The following GPR85 variants were observed in gnomAD, a reference collection of about 807,000 sequenced individuals.
GPR85 encodes the protein G protein-coupled receptor 85.
GPR85 carries 7 observed loss-of-function variants against 21.3 expected under a neutral mutation model. The observed-to-expected ratio is 0.33, with a 90% confidence interval of 0.19 to 0.62. The LOEUF (loss-of-function observed/expected upper bound fraction) is 0.62. Ranked by LOEUF, GPR85 falls within the 20% of genes least tolerant of loss-of-function variation. The pLI is 0.80. For missense variants in GPR85, 299 were observed against 443.8 expected (o/e 0.67, Z 2.93); for synonymous variants, 167 against 166.1 (o/e 1.01, Z -0.04).
Position 113,083,735 on chromosome 7 carries a change from A to G in GPR85, c.987T>C (p.Phe329=). The change falls in exon 3 of 3, where the codon TTT becomes TTC. Residue 329 remains phenylalanine, a synonymous_variant. Coordinates refer to ENST00000424100, the MANE Select transcript of GPR85 (RefSeq NM_001146267.2). This position sits in a 1 kb window ranked among gnomAD's most constrained non-coding sequence, Gnocchi z 4.4. Reference sequence around the variant, plus strand: ...CAAAAGGATTGATTCCTGCTTGGGCAAAACTCATCCAGACAGCAGCTGTTA... The same window carrying G: ...CAAAAGGATTGATTCCTGCTTGGGCGAAACTCATCCAGACAGCAGCTGTTA... ...GFLTAAVWMS[F]AQAGINPFVC... 1 of 1,614,266 alleles carries G rather than the reference A, an allele frequency of 6.2e-7. No homozygotes were observed. The highest frequency in any genetic ancestry group is 8.5e-7 in the Non-Finnish European group (1 of 1,180,048).
Position 113,086,626 on chromosome 7 carries a change from G to A in GPR85, c.-593C>T, listed in dbSNP as rs1316350552. ...CGGCGGGGCTGCTTCAGCCTCTGTG[G>A]AACCAGCAGGAACCCCTACCTGACT... On this transcript the variant is annotated 5_prime_UTR_variant, in exon 1 of 3. Coordinates refer to ENST00000424100, the MANE Select transcript of GPR85 (RefSeq NM_001146267.2). 3 of 154,806 alleles carry A rather than the reference G, an allele frequency of 1.9e-5. No homozygotes were observed. The highest frequency in any genetic ancestry group is 1.9e-4 in the East Asian group (1 of 5,224). 9.6% of individuals were successfully genotyped at this position (154,806 alleles called of 1,614,324 possible).
In GPR85 at chr7:113,083,946, A is replaced by G; in HGVS notation, c.776T>C (p.Ile259Thr). The change falls in exon 3 of 3, where the codon ATC becomes ACC. Residue 259 changes from isoleucine (I) to threonine (T), a missense_variant. Coordinates refer to ENST00000424100, the MANE Select transcript of GPR85 (RefSeq NM_001146267.2). This position sits in a 1 kb window ranked among gnomAD's most constrained non-coding sequence, Gnocchi z 4.4. The stretch of plus-strand genomic sequence containing the variant: ...GCCTGTGGTGTTTGCATTTTGCCTG[A>G]TGCCCAGCAAGGTGGGTGGTGTGGG... ...RGPTPPTLLG[I>T]RQNANTTGRR... 2 of 1,614,176 alleles carry G rather than the reference A, an allele frequency of 1.2e-6. No individual in the cohort carries two copies. Among genetic ancestry groups the G allele is most frequent in the Non-Finnish European group, 1.7e-6 (2 of 1,180,008 alleles).
rs766051580 is a variant in GPR85, at chr7:113,083,625, G to A, written c.1097C>T (p.Pro366Leu). The A allele has an allele frequency of 1.2e-6, 2 of 1,613,638 alleles. No homozygotes were observed. The highest frequency in any genetic ancestry group is 1.7e-6 in the Non-Finnish European group (2 of 1,179,770). ...GATGCTCCCTCATATAACACAGTAA[G>A]GTTCCCTTGGTAACCTGGATTTTCT... The part of the protein sequence containing the change: ...YCRKSRLPRE[P>L]YCVI Residue 366 changes from proline to leucine, a missense_variant, in exon 3 of 3, where the codon CCT becomes CTT. Coordinates refer to ENST00000424100, the MANE Select transcript of GPR85 (RefSeq NM_001146267.2). This position sits in a 1 kb window ranked among gnomAD's most constrained non-coding sequence, Gnocchi z 4.4.
At chr7:113,085,546 C>T (rs1264693773) in intron 2 of GPR85, among the ~76,000 whole-genome samples, 1 of 152,158 alleles carries the variant, frequency 6.6e-6, no homozygotes, top group East Asian at 1.9e-4. Flanking sequence ...AAATATTGGA[C>T]AGGGAAACAC....
rs917595224 is a variant in GPR85 at position 113,083,554 on chromosome 7, A to G, written c.*55T>C. On this transcript the variant is annotated 3_prime_UTR_variant, in exon 3 of 3. Coordinates refer to ENST00000424100, the MANE Select transcript of GPR85 (RefSeq NM_001146267.2). The surrounding 1 kb of genome is among the most constrained non-coding windows in gnomAD (Gnocchi z 4.4). The stretch of plus-strand genomic sequence containing the variant: ...TCTCAAAATATGGCTATGGGCCACA[A>G]TTGCTCAGCAGAGAAGGTTAGTTTT... 6.9e-5 allele frequency: 103 copies of G among 1,487,516 alleles called. No homozygotes were observed. The African/African-American group carries it at 9.0e-4, about 13-fold the overall frequency. The allele number at this position is 1,487,516 out of a possible 1,614,324, so 92.1% of individuals were successfully genotyped here.
At chr7:113,086,262 T>G (rs972984401) in intron 1 of GPR85, 60 bp downstream of exon 1, 73 of 153,320 alleles carry the variant, frequency 4.8e-4, no homozygotes, top group Middle Eastern at 3.2e-3. Context: ...ACCTGCAGTT[T>G]CATCAACACT....
At chr7:113,085,032 T>A (rs1002157413) in intron 2 of GPR85, 141 bp from the exon 3 acceptor site, 2 of 237,320 alleles carry the variant, frequency 8.4e-6, no homozygotes, top group Non-Finnish European at 8.2e-6. Flanking sequence ...ACTAAATATT[T>A]TTGCTCGAGA....
In GPR85 at chr7:113,086,416, T is replaced by G. The variant is rs1794295378; in HGVS notation, c.-383A>C. On this transcript the variant is annotated 5_prime_UTR_variant, in exon 1 of 3. Coordinates refer to ENST00000424100, the MANE Select transcript of GPR85 (RefSeq NM_001146267.2). ...TTTTTCTTTTTTTTTTTTTTTTTTT[T>G]GTTTTTTGTTTTTTTTTTTTTTTTT... is the stretch of plus-strand genomic sequence containing the variant. 7.5e-4 allele frequency: 58 copies of G among 77,602 alleles called. 4 individuals are homozygous for G. Among genetic ancestry groups the G allele is most frequent in the African/African-American group, 2.6e-3 (44 of 16,728 alleles). The allele number at this position is 77,602 out of a possible 1,614,324, so 4.8% of individuals were successfully genotyped here. A position where few individuals can be genotyped will look rare whatever the true frequency, so the allele number is the denominator to read the frequency against.
rs1562996823 is a variant in GPR85, at chr7:113,086,411, T to TTTTG, written c.-379_-378insCAAA. 2.1e-3 allele frequency: 195 copies of TTTTG among 91,574 alleles called. 12 individuals carry two copies. Among genetic ancestry groups the TTTTG allele is most frequent in the Middle Eastern group, 6.2e-3 (1 of 162 alleles). 5.7% of individuals were successfully genotyped at this position (91,574 alleles called of 1,614,324 possible). The stretch of plus-strand genomic sequence containing the variant: ...TTTTCTTTTTCTTTTTTTTTTTTTT[T>TTTTG]TTTTTGTTTTTTGTTTTTTTTTTTT... On this transcript the variant is annotated 5_prime_UTR_variant, in exon 1 of 3. The change creates a premature stop within an existing upstream ORF in the 5' untranslated region. Coordinates refer to ENST00000424100, the MANE Select transcript of GPR85 (RefSeq NM_001146267.2).
At chr7:113,086,299 T>C (rs1441057013) in intron 1 of GPR85, 23 bp downstream of exon 1, 1 of 149,412 alleles carries the variant, frequency 6.7e-6, no homozygotes, top group Admixed American at 6.7e-5. Context: ...CCCCCAAACT[T>C]AACCAAGAGT....
At position 113,086,403 on chromosome 7, in the gene GPR85, T is replaced by TTTTTTTTTTTTG. The variant is rs1562996781; in HGVS notation, c.-371_-370insCAAAAAAAAAAA. On this transcript the variant is annotated 5_prime_UTR_variant, in exon 1 of 3. Coordinates refer to ENST00000424100, the MANE Select transcript of GPR85 (RefSeq NM_001146267.2). ...TTTTCTTTTTTTCTTTTTCTTTTTT[T>TTTTTTTTTTTTG]TTTTTTTTTTTTTGTTTTTTGTTTT... 7.6e-4 allele frequency: 70 copies of TTTTTTTTTTTTG among 92,686 alleles called. 6 individuals carry two copies. Among genetic ancestry groups the TTTTTTTTTTTTG allele is most frequent in the East Asian group, 2.5e-3 (7 of 2,768 alleles). The allele number at this position is 92,686 out of a possible 1,614,324, so 5.7% of individuals were successfully genotyped here.
rs1794293417 is a variant in GPR85 at position 113,086,410 on chromosome 7, T to TTTTTTTTTTC, written c.-378_-377insGAAAAAAAAA. 1 of 95,336 alleles carries TTTTTTTTTTC rather than the reference T, an allele frequency of 1.0e-5. No individual in the cohort carries two copies. Among genetic ancestry groups the TTTTTTTTTTC allele is most frequent in the Non-Finnish European group, 2.1e-5 (1 of 48,674 alleles). 5.9% of individuals were successfully genotyped at this position (95,336 alleles called of 1,614,324 possible). A position where few individuals can be genotyped will look rare whatever the true frequency, so the allele number is the denominator to read the frequency against. On this transcript the variant is annotated 5_prime_UTR_variant, in exon 1 of 3. An upstream open reading frame in the 5' UTR gains an earlier in-frame stop. Coordinates refer to ENST00000424100, the MANE Select transcript of GPR85 (RefSeq NM_001146267.2). ...TTTTTCTTTTTCTTTTTTTTTTTTT[T>TTTTTTTTTTC]TTTTTTGTTTTTTGTTTTTTTTTTT...
In GPR85 at chr7:113,083,912, C is replaced by A. The variant is rs563872299; in HGVS notation, c.810G>T (p.Arg270Ser). The change falls in exon 3 of 3, where the codon AGG becomes AGT. Residue 270 changes from arginine (R) to serine (S), a missense_variant. By Grantham distance (110) the Arg-to-Ser change is moderately radical. Around this residue, in one of 2 missense-constraint regions of GPR85, gnomAD observed 198 missense variants for 335.4 expected, o/e 0.59. Transcript: ENST00000424100. The surrounding 1 kb of genome is among the most constrained non-coding windows in gnomAD (Gnocchi z 4.4). Reference sequence around the variant, plus strand: ...TTTTGAACTCGTCTAAGACCAATAGCCTTCTTCTGCCTGTGGTGTTTGCAT... The same window carrying A: ...TTTTGAACTCGTCTAAGACCAATAGACTTCTTCTGCCTGTGGTGTTTGCAT... ...RQNANTTGRR[R>S]LLVLDEFKME... The A allele has an allele frequency of 9.3e-6, 15 of 1,614,034 alleles. No individual in the cohort carries two copies. Among genetic ancestry groups the A allele is most frequent in the Admixed American group, 1.7e-5 (1 of 59,994 alleles).
Position 113,083,525 on chromosome 7 carries a change from T to G in GPR85, c.*84A>C. ...AAAACTGCTGATTCCATTCTTGAAT[T>G]TCTTCTCAAAATATGGCTATGGGCC... is the stretch of plus-strand genomic sequence containing the variant. On this transcript the variant is annotated 3_prime_UTR_variant, in exon 3 of 3. Transcript: ENST00000424100. The surrounding 1 kb of genome is among the most constrained non-coding windows in gnomAD (Gnocchi z 4.4). The G allele has an allele frequency of 3.2e-6, 4 of 1,258,448 alleles. No homozygotes were observed. The highest frequency in any genetic ancestry group is 2.3e-5 in the Admixed American group (1 of 44,322). The allele number at this position is 1,258,448 out of a possible 1,614,324, so 78.0% of individuals were successfully genotyped here. A position where few individuals can be genotyped will look rare whatever the true frequency, so the allele number is the denominator to read the frequency against.
At chr7:113,086,945 T>A (rs1599794), upstream of GPR85, among the ~76,000 whole-genome samples, 28,303 of 151,864 alleles carry the variant, frequency 0.19, 2,819 homozygotes, top group South Asian at 0.32. Flanking sequence ...TTTTATATAT[T>A]TATTTTTAAG....
At position 113,084,790 on chromosome 7, in the gene GPR85, A is replaced by T. The variant is rs1364612930; in HGVS notation, c.-69T>A. The T allele has an allele frequency of 9.0e-7, 1 of 1,105,816 alleles. No homozygotes were observed. Among genetic ancestry groups the T allele is most frequent in the East Asian group, 2.4e-5 (1 of 40,938 alleles). The allele number at this position is 1,105,816 out of a possible 1,614,324, so 68.5% of individuals were successfully genotyped here. A position where few individuals can be genotyped will look rare whatever the true frequency, so the allele number is the denominator to read the frequency against. The stretch of plus-strand genomic sequence containing the variant: ...ATCTAGATATAAGAACAAGGAAAAG[A>T]TAGATCCATACATTTTACTGAAAAT... On this transcript the variant is annotated 5_prime_UTR_variant, in exon 3 of 3. Coordinates refer to ENST00000424100, the MANE Select transcript of GPR85 (RefSeq NM_001146267.2).
intron 2 of GPR85, 48 bp downstream of exon 2, chr7:113,085,944 G>C (rs1430764262): frequency 6.6e-6 from 1 of 152,630 alleles, no homozygotes. Context: ...ATTTATAATG[G>C]GGGGAGGGTG....
Position 113,086,436 on chromosome 7 carries a change from T to TTTTTTTTTTTTTTTTTTTTTTTC in GPR85, c.-404_-403insGAAAAAAAAAAAAAAAAAAAAAA, listed in dbSNP as rs1794304562. The TTTTTTTTTTTTTTTTTTTTTTTC allele has an allele frequency of 1.7e-5, 2 of 119,000 alleles. No individual in the cohort carries two copies. Among genetic ancestry groups the TTTTTTTTTTTTTTTTTTTTTTTC allele is most frequent in the Admixed American group, 8.5e-5 (1 of 11,832 alleles). 7.4% of individuals were successfully genotyped at this position (119,000 alleles called of 1,614,324 possible). Reference sequence around the variant, plus strand: ...TTTTTTGTTTTTTGTTTTTTTTTTTTTTTTTTTTGCCTTAGTGCCTTGACT... The same window carrying TTTTTTTTTTTTTTTTTTTTTTTC: ...TTTTTTGTTTTTTGTTTTTTTTTTTTTTTTTTTTTTTTTTTTTTTTTTCTTTTTTTTGCCTTAGTGCCTTGACT... On this transcript the variant is annotated 5_prime_UTR_variant, in exon 1 of 3. An upstream open reading frame in the 5' UTR loses its in-frame stop. Transcript: ENST00000424100.
chr7:113,085,471 C>CTCCACCCTA (rs1281787784), intron 2 of GPR85, among the ~76,000 whole-genome samples: 5 of 152,188 alleles, frequency 3.3e-5, no homozygotes, highest in Middle Eastern at 3.2e-3. Flanking sequence ...GTCTTTCCCT[C>CTCCACCCTA]TCCACCCTAC....
Sources: allele counts gnomAD v4.1 joint callset (sites outside exome capture counted in the v4.1 genomes callset), GRCh38; gene constraint gnomAD v4.1.1; regional missense constraint gnomAD v4.1.1; non-coding constraint Gnocchi (gnomAD v3.1); transcripts MANE v1.5; gene names NCBI Gene and HGNC (gene_info 2026-07-23, HGNC 2026-07-21).